PTPN22: variants seen among roughly 807,000 people sequenced by gnomAD.
PTPN22 encodes protein tyrosine phosphatase non-receptor type 22, also known as tyrosine-protein phosphatase non-receptor type 22.
A neutral mutation model predicts 103.3 loss-of-function variants in PTPN22; 85 were observed. That is an observed-to-expected ratio of 0.82 (90% CI 0.69 to 0.99). PTPN22 has a LOEUF of 0.99. PTPN22 is among the 50% of genes least tolerant of loss of function. The probability of loss-of-function intolerance (pLI) is 0.00; values close to 1 mark genes in which losing one functional copy is unlikely to be tolerated. For synonymous variants in PTPN22, 323 were observed against 310.2 expected (o/e 1.04, Z -0.43); for missense variants, 865 against 936.9 (o/e 0.92, Z 1.00).
rs1244645140 is a variant in PTPN22, at chr1:113,819,633, G to T, written c.2303C>A (p.Pro768Gln). 4 of 1,600,904 alleles carry T rather than the reference G, an allele frequency of 2.5e-6. No individual in the cohort carries two copies. In the South Asian group the frequency reaches 4.5e-5, roughly 18 times the overall value. ...CTGAACAGATTCTGCAGGCTTGTTT[G>T]GTGGGCAAGAATTACAGATACCTAG... Residue 768 changes from proline (P) to glutamine (Q), a missense_variant, in exon 20 of 21, where the codon CCA becomes CAA. This residue lies in a region of PTPN22 where 401 missense variants were observed against 388.6 expected (regional missense o/e 1.03). Transcript: ENST00000359785.
chr1:113,824,262 C>T (rs984791289), intron 19 of PTPN22, among the ~76,000 whole-genome samples: 2 of 152,096 alleles, frequency 1.3e-5, no homozygotes, highest in East Asian at 1.9e-4. Flanking sequence ...CCACCACACC[C>T]GGCTAATTTT....
chr1:113,837,012 C>G (rs903155993), intron 13 of PTPN22, among the ~76,000 whole-genome samples: 1 of 152,164 alleles, frequency 6.6e-6, no homozygotes, highest in East Asian at 1.9e-4. Flanking sequence ...AGCACTCCTG[C>G]TGGTACAGAT....
At chr1:113,819,848 T>G (rs1244013243) in intron 19 of PTPN22, 194 bp from the exon 20 acceptor site, 1 of 353,984 alleles carries the variant, frequency 2.8e-6, no homozygotes. Flanking sequence ...GGTTTTTTTC[T>G]TAAAAGGTTT....
chr1:113,870,871 A>AT lies in PTPN22; in HGVS notation c.87+665dup, dbSNP rs912903163. Among the ~76,000 whole-genome samples the AT allele has an allele frequency of 1.3e-4, 20 of 151,682 alleles. 1 individual carries two copies. Among genetic ancestry groups the AT allele is most frequent in the South Asian group, 2.1e-4 (1 of 4,798 alleles). On this transcript the variant is annotated intron_variant, in intron 1 of 20. Transcript: ENST00000359785. The stretch of plus-strand genomic sequence containing the variant: ...CGTATCTACAAAAAAGAAAAAAACA[A>AT]TTTTTTTTTAAATTAGCCAGGCATG...
intron 1 of PTPN22, among the ~76,000 whole-genome samples, chr1:113,867,798 G>T (rs746466056): frequency 6.6e-6 from 1 of 152,174 alleles, no homozygotes; most frequent in Non-Finnish European, 1.5e-5. Context: ...GACATAAGCA[G>T]CATGGCACTG....
chr1:113,869,459 A>G (rs1047809979), intron 1 of PTPN22, among the ~76,000 whole-genome samples: 2 of 151,130 alleles, frequency 1.3e-5, no homozygotes, highest in Non-Finnish European at 2.9e-5. Context: ...CAACAGCTCT[A>G]TCTCAGTTCA....
chr1:113,863,027 A>G (rs1264851466), intron 1 of PTPN22, among the ~76,000 whole-genome samples: 1 of 152,208 alleles, frequency 6.6e-6, no homozygotes, highest in African/African-American at 2.4e-5. Flanking sequence ...TGGGGTGAGT[A>G]AACCAAGAGG....
chr1:113,861,382 A>C (rs749181343), intron 1 of PTPN22, among the ~76,000 whole-genome samples: 1 of 152,074 alleles, frequency 6.6e-6, no homozygotes, highest in Non-Finnish European at 1.5e-5. Context: ...CTGGGGTTAC[A>C]GGCGCCCGCC....
intron 1 of PTPN22, among the ~76,000 whole-genome samples, chr1:113,867,169 A>T (rs1353752847): frequency 6.6e-6 from 1 of 152,244 alleles, no homozygotes; most frequent in Non-Finnish European, 1.5e-5. Context: ...TACCTTTAGA[A>T]ATTTCAACAG....
At chr1:113,828,759 C>T (rs1054068628) in intron 18 of PTPN22, among the ~76,000 whole-genome samples, 1 of 152,182 alleles carries the variant, frequency 6.6e-6, no homozygotes, top group Non-Finnish European at 1.5e-5. Flanking sequence ...CCTCAGCCTC[C>T]TGAGTAGCTG....
chr1:113,837,773 T>A (rs114092230), exon 13 of PTPN22: 1 of 1,613,910 alleles, frequency 6.2e-7, no homozygotes, highest in East Asian at 2.2e-5. Context: ...CTGGTACCAC[T>A]TGGAGGCCAT....
At chr1:113,814,624 TG>T (rs2101843489) in exon 21 of PTPN22, 1 of 269,298 alleles carries the variant, frequency 3.7e-6, no homozygotes, top group Non-Finnish European at 6.9e-6. Context: ...CTGGCAAAAA[TG>T]AAAAATAAAT....
exon 2 of PTPN22, chr1:113,859,390 T>G: frequency 6.2e-7 from 1 of 1,613,904 alleles, no homozygotes; most frequent in East Asian, 2.2e-5. Context: ...CTTGATATTC[T>G]TGGGCTTCTC....
intron 11 of PTPN22, among the ~76,000 whole-genome samples, chr1:113,848,039 G>A (rs1340358420): frequency 6.6e-6 from 1 of 151,882 alleles, no homozygotes; most frequent in Non-Finnish European, 1.5e-5. Context: ...CCAGCCAAGA[G>A]ATTATTTTTA....
intron 10 of PTPN22, among the ~76,000 whole-genome samples, chr1:113,851,043 G>T (rs1342340709): frequency 6.6e-6 from 1 of 152,150 alleles, no homozygotes; most frequent in Non-Finnish European, 1.5e-5. Flanking sequence ...AATATTGTAG[G>T]CAGTGAGAGA....
At chr1:113,857,651 C>A in intron 5 of PTPN22, 87 bp downstream of exon 5, 2 of 1,222,522 alleles carry the variant, frequency 1.6e-6, no homozygotes, top group Non-Finnish European at 2.4e-6. Context: ...TATCTAGGTA[C>A]ACTCAGGTAA....
chr1:113,862,517 G>C (rs1448991336), intron 1 of PTPN22, among the ~76,000 whole-genome samples: 1 of 152,112 alleles, frequency 6.6e-6, no homozygotes, highest in African/African-American at 2.4e-5. Context: ...TAGAAATTCG[G>C]ATTGAGTCAT....
At chr1:113,839,889 T>A (rs1387378133) in intron 11 of PTPN22, among the ~76,000 whole-genome samples, 1 of 141,554 alleles carries the variant, frequency 7.1e-6, no homozygotes, top group African/African-American at 2.9e-5. Flanking sequence ...TTAATTTTGT[T>A]CTTAGGCAAG....
chr1:113,850,166 C>T (rs1664435093), intron 10 of PTPN22, among the ~76,000 whole-genome samples: 1 of 144,550 alleles, frequency 6.9e-6, no homozygotes, highest in South Asian at 2.1e-4. Flanking sequence ...CATTGCACTC[C>T]AGCCTGAGTG....
Sources: allele counts gnomAD v4.1 joint callset (sites outside exome capture counted in the v4.1 genomes callset), GRCh38; gene constraint gnomAD v4.1.1; regional missense constraint gnomAD v4.1.1; transcripts MANE v1.5; gene names NCBI Gene and HGNC (gene_info 2026-07-23, HGNC 2026-07-21).